ADGRL3: variants seen among roughly 807,000 people sequenced by gnomAD.
The protein encoded by ADGRL3 is calcium-independent alpha-latrotoxin receptor 3.
ADGRL3 carries 62 observed loss-of-function variants against 153.5 expected under a neutral mutation model. The ratio of observed to expected loss-of-function variants is 0.40; its 90% CI spans 0.33 to 0.50. The LOEUF (loss-of-function observed/expected upper bound fraction) is 0.50, where lower values mean the gene tolerates loss of function less well. ADGRL3 is among the 20% of genes least tolerant of loss of function. The pLI, the probability that ADGRL3 is intolerant of heterozygous loss-of-function variation, is 0.47. For synonymous variants in ADGRL3, 710 were observed against 672.5 expected (o/e 1.06, Z -0.86); for missense variants, 1,641 against 1,859.4 (o/e 0.88, Z 2.16).
chr4:61,856,396 G>A (rs1371438602), intron 9 of ADGRL3, among the ~76,000 whole-genome samples: 2 of 129,868 alleles, frequency 1.5e-5, no homozygotes, highest in Non-Finnish European at 3.2e-5. Context: ...TTCCTTTCTT[G>A]GAACTTGGAA....
At chr4:61,923,763 T>A (rs1230737580) in intron 13 of ADGRL3, among the ~76,000 whole-genome samples, 1 of 152,188 alleles carries the variant, frequency 6.6e-6, no homozygotes, top group Non-Finnish European at 1.5e-5. Context: ...TATAACACTC[T>A]CAGTTTTCCT....
intron 13 of ADGRL3, among the ~76,000 whole-genome samples, chr4:61,930,576 A>G (rs2122646): frequency 0.63 from 95,845 of 151,976 alleles, 31,056 homozygotes; most frequent in Non-Finnish European, 0.73. Context: ...TAACGAACAT[A>G]TCAGAGTTAT....
chr4:61,725,837 G>C (rs1288609291), intron 6 of ADGRL3, among the ~76,000 whole-genome samples: 1 of 152,094 alleles, frequency 6.6e-6, no homozygotes, highest in African/African-American at 2.4e-5. Flanking sequence ...TATGGTATTA[G>C]ACAAACGGCA....
At chr4:61,959,824 A>T (rs766245659) in intron 17 of ADGRL3, among the ~76,000 whole-genome samples, 13 of 152,196 alleles carry the variant, frequency 8.5e-5, no homozygotes, top group Non-Finnish European at 1.6e-4. Context: ...TATTGAATTT[A>T]TGATGCTAAA....
intron 1 of ADGRL3, among the ~76,000 whole-genome samples, chr4:61,260,334 ATC>A (rs1360821655): frequency 2.0e-5 from 3 of 152,186 alleles, no homozygotes; most frequent in Admixed American, 6.5e-5. Context: ...AAGAATGTAC[ATC>A]TCTGTCTGTT....
chr4:61,773,762 C>T (rs2097112803), intron 8 of ADGRL3, among the ~76,000 whole-genome samples: 1 of 152,062 alleles, frequency 6.6e-6, no homozygotes, highest in African/African-American at 2.4e-5. Context: ...TTAAGGAGTT[C>T]TTCATGGATG....
chr4:61,796,757 G>T (rs912683029), intron 8 of ADGRL3, among the ~76,000 whole-genome samples: 6 of 151,954 alleles, frequency 3.9e-5, no homozygotes, highest in Admixed American at 1.3e-4. Flanking sequence ...TTATTTACCA[G>T]ATATGATCTT....
intron 1 of ADGRL3, among the ~76,000 whole-genome samples, chr4:61,253,186 C>T (rs2091626556): frequency 6.6e-6 from 1 of 152,126 alleles, no homozygotes; most frequent in African/African-American, 2.4e-5. Context: ...TTGCTCTTCC[C>T]CAGCTATCAA....
intron 4 of ADGRL3, among the ~76,000 whole-genome samples, chr4:61,558,685 A>G (rs77908903): frequency 0.032 from 4,819 of 151,796 alleles, 230 homozygotes; most frequent in African/African-American, 0.11. Context: ...TTATCTATCT[A>G]TCTCTTTCAC....
chr4:61,686,075 A>G lies in ADGRL3; in HGVS notation c.583+9140A>G, dbSNP rs1233661515. ...AAGTAAAACTTTATTATAGACATAAAAGATTGAAGGGGTTAGCTCAACCAT... is the reference window on the plus strand; with the variant it reads ...AAGTAAAACTTTATTATAGACATAAGAGATTGAAGGGGTTAGCTCAACCAT... On this transcript the variant is annotated intron_variant, in intron 6 of 26. Transcript: ENST00000683033. Among the ~76,000 whole-genome samples the G allele has an allele frequency of 1.1e-4, 17 of 152,232 alleles. No homozygotes were observed. In the East Asian group the frequency reaches 3.3e-3, roughly 29 times the overall value.
At chr4:61,465,347 A>G (rs1269766877) in intron 2 of ADGRL3, among the ~76,000 whole-genome samples, 1 of 152,096 alleles carries the variant, frequency 6.6e-6, no homozygotes, top group Non-Finnish European at 1.5e-5. Context: ...TTCATGAAAT[A>G]TTTGTGAGAA....
intron 17 of ADGRL3, among the ~76,000 whole-genome samples, chr4:61,961,524 A>G (rs1270421493): frequency 1.3e-5 from 2 of 152,172 alleles, no homozygotes; most frequent in African/African-American, 4.8e-5. Context: ...TCTCCCATCT[A>G]CAGTGGACCA....
intron 15 of ADGRL3, among the ~76,000 whole-genome samples, chr4:61,939,334 C>T (rs1213392493): frequency 6.6e-6 from 1 of 152,124 alleles, no homozygotes; most frequent in Non-Finnish European, 1.5e-5. Context: ...TATAATATCA[C>T]AAAAAGAAGG....
At chr4:61,270,271 GC>G (rs2093090698) in intron 1 of ADGRL3, among the ~76,000 whole-genome samples, 1 of 151,618 alleles carries the variant, frequency 6.6e-6, no homozygotes. Context: ...CTCTGTAAGT[GC>G]CAGGACCATG....
intron 2 of ADGRL3, among the ~76,000 whole-genome samples, chr4:61,474,343 T>C (rs1170631242): frequency 6.6e-6 from 1 of 152,100 alleles, no homozygotes; most frequent in Non-Finnish European, 1.5e-5. Context: ...ATTTGACTGT[T>C]TTCTGCCGGA....
chr4:61,312,500 T>C (rs2095051549), intron 1 of ADGRL3, among the ~76,000 whole-genome samples: 1 of 152,102 alleles, frequency 6.6e-6, no homozygotes, highest in Non-Finnish European at 1.5e-5. Context: ...ACAACACATA[T>C]CTGATAAAAG....
intron 8 of ADGRL3, among the ~76,000 whole-genome samples, chr4:61,782,264 G>A (rs2097221895): frequency 6.6e-6 from 1 of 152,108 alleles, no homozygotes. Context: ...AATATTCACT[G>A]ATTCAGTCAG....
rs869176171 is a variant in ADGRL3 at position 61,391,855 on chromosome 4, C to CTTTTTTTTTTTTTTT, written c.-174+8674_-174+8688dup. ...AAAATTATCCAAGTGAAAAATGCTACTTTTTTTTTTTTTTTTTTTTTTGAG... is the reference window on the plus strand; with the variant it reads ...AAAATTATCCAAGTGAAAAATGCTACTTTTTTTTTTTTTTTTTTTTTTTTTTTTTTTTTTTTTGAG... On this transcript the variant is annotated intron_variant, in intron 2 of 26. Coordinates refer to ENST00000683033, the MANE Select transcript of ADGRL3 (RefSeq NM_001387552.1). 5.3e-5 allele frequency among the ~76,000 whole-genome samples: 5 copies of CTTTTTTTTTTTTTTT among 93,656 alleles called. 1 individual carries two copies. Among genetic ancestry groups the CTTTTTTTTTTTTTTT allele is most frequent in the African/African-American group, 8.3e-5 (2 of 24,232 alleles). The allele number at this position is 93,656 out of a possible 152,430, so 61.4% of individuals were successfully genotyped here. A position where few individuals can be genotyped will look rare whatever the true frequency, so the allele number is the denominator to read the frequency against.
At chr4:61,673,389 A>G (rs1020950063) in intron 5 of ADGRL3, among the ~76,000 whole-genome samples, 4 of 151,922 alleles carry the variant, frequency 2.6e-5, no homozygotes, top group Non-Finnish European at 5.9e-5. Flanking sequence ...GTAAAGATAT[A>G]TCAAAACATT....
Sources: allele counts gnomAD v4.1 joint callset (sites outside exome capture counted in the v4.1 genomes callset), GRCh38; gene constraint gnomAD v4.1.1; transcripts MANE v1.5; gene names NCBI Gene and HGNC (gene_info 2026-07-23, HGNC 2026-07-21).